The following CA10 variants were observed in gnomAD, a reference collection of about 807,000 sequenced individuals.
CA10 encodes the protein carbonic anhydrase 10 (inactive).
Under a neutral mutation model 44.2 loss-of-function variants are expected in CA10, and 14 were observed. The ratio of observed to expected loss-of-function variants is 0.32; its 90% confidence interval spans 0.21 to 0.50. The LOEUF (loss-of-function observed/expected upper bound fraction) is 0.50. Ranked by LOEUF, CA10 falls within the 20% of genes least tolerant of loss-of-function variation. CA10 has a pLI of 0.99. For missense variants in CA10, 350 were observed against 409.7 expected, an observed-to-expected ratio of 0.85 and a Z score of 1.26; for synonymous variants, 159 against 141.6, an observed-to-expected ratio of 1.12 and a Z score of -0.87.
Position 52,074,237 on chromosome 17 carries a change from AAAC to A in CA10, c.62-1847_62-1845del, listed in dbSNP as rs539921407. 8.6e-3 allele frequency among the ~76,000 whole-genome samples: 1,317 copies of A among 152,312 alleles called. 17 individuals are homozygous for A. The highest frequency in any genetic ancestry group is 0.048 in the Middle Eastern group (14 of 294). ...TTCACGGACAGTACAACCTACTAAA[AAAC>A]AACAACAAGAAAACCAAACCCCAAA... On this transcript the variant is annotated intron_variant, in intron 1 of 8. Coordinates refer to ENST00000451037, the MANE Select transcript of CA10 (RefSeq NM_020178.5).
chr17:51,802,598 G>C (rs2091358), intron 3 of CA10, among the ~76,000 whole-genome samples: 1 of 142,148 alleles, frequency 7.0e-6, no homozygotes, highest in Non-Finnish European at 1.5e-5. Context: ...ACAACCAGAA[G>C]CACTCCCTAC....
chr17:51,725,494 C>A, intron 4 of CA10, among the ~76,000 whole-genome samples: 1 of 152,196 alleles, frequency 6.6e-6, no homozygotes, highest in Middle Eastern at 3.2e-3. Context: ...CCCAGTAACC[C>A]TCTCTGTGGC....
intron 1 of CA10, among the ~76,000 whole-genome samples, chr17:52,123,732 C>T (rs1045202923): frequency 6.6e-6 from 1 of 152,162 alleles, no homozygotes; most frequent in African/African-American, 2.4e-5. Context: ...ACCTGTGTGG[C>T]CTAATATCCT....
At chr17:51,744,625 A>C (rs1337448269) in intron 4 of CA10, among the ~76,000 whole-genome samples, 1 of 152,132 alleles carries the variant, frequency 6.6e-6, no homozygotes, top group Non-Finnish European at 1.5e-5. Context: ...TAAATAAATA[A>C]ATAAATAAAT....
At chr17:52,043,179 G>T (rs1445781000) in intron 2 of CA10, among the ~76,000 whole-genome samples, 1 of 152,004 alleles carries the variant, frequency 6.6e-6, no homozygotes, top group Non-Finnish European at 1.5e-5. Context: ...CGTAGCATGA[G>T]CATTTTAACA....
At chr17:51,954,448 A>C (rs1983593438) in intron 2 of CA10, among the ~76,000 whole-genome samples, 3 of 152,178 alleles carry the variant, frequency 2.0e-5, no homozygotes, top group Admixed American at 2.0e-4. Context: ...AAGACAGTTC[A>C]TCTTTAGACT....
chr17:51,647,478 C>G (rs1184261079), intron 6 of CA10, among the ~76,000 whole-genome samples: 1 of 152,124 alleles, frequency 6.6e-6, no homozygotes, highest in Non-Finnish European at 1.5e-5. Context: ...GCCTCCCCTT[C>G]CTCTCCCTCC....
In CA10 at chr17:51,970,764, C is replaced by A. The variant is rs740062; in HGVS notation, c.137-39632G>T. Among the ~76,000 whole-genome samples the A allele has an allele frequency of 7.2e-4, 110 of 152,142 alleles. 1 individual carries two copies. Among genetic ancestry groups the A allele is most frequent in the Admixed American group, 6.2e-3 (95 of 15,258 alleles). On this transcript the variant is annotated intron_variant, in intron 2 of 8. Coordinates refer to ENST00000451037, the MANE Select transcript of CA10 (RefSeq NM_020178.5). ...TGTTTATTCTGCTTATCACAAATCA[C>A]AGAGAAGTTTCATTTGCTTTCTTAC...
chr17:51,959,270 C>T (rs1455285070), intron 2 of CA10, among the ~76,000 whole-genome samples: 4 of 40,334 alleles, frequency 9.9e-5, no homozygotes, highest in Admixed American at 3.8e-4. Context: ...TTCTCTCTCT[C>T]GCTCTCTCTC....
chr17:51,870,726 C>A (rs1979763939), intron 3 of CA10, among the ~76,000 whole-genome samples: 1 of 152,208 alleles, frequency 6.6e-6, no homozygotes, highest in South Asian at 2.1e-4. Flanking sequence ...GGGACTGAAA[C>A]AATCCTTTGC....
At chr17:52,074,556 G>T (rs1247409278) in intron 1 of CA10, among the ~76,000 whole-genome samples, 1 of 152,078 alleles carries the variant, frequency 6.6e-6, no homozygotes, top group Non-Finnish European at 1.5e-5. Context: ...CATTGGGGAA[G>T]CTGCATTATC....
intron 4 of CA10, among the ~76,000 whole-genome samples, chr17:51,670,578 G>C (rs890175875): frequency 1.3e-5 from 2 of 152,036 alleles, no homozygotes; most frequent in African/African-American, 4.8e-5. Flanking sequence ...TGGCTGAGGG[G>C]TTCAGTGATC....
At chr17:51,728,474 C>T (rs534740035) in intron 4 of CA10, among the ~76,000 whole-genome samples, 3 of 152,288 alleles carry the variant, frequency 2.0e-5, no homozygotes, top group African/African-American at 7.2e-5. Context: ...GATCCTCAGT[C>T]TTTCCTTGCT....
intron 3 of CA10, among the ~76,000 whole-genome samples, chr17:51,800,462 A>G (rs1485296727): frequency 2.0e-5 from 3 of 152,204 alleles, no homozygotes; most frequent in Non-Finnish European, 4.4e-5. Context: ...ACATTAAATT[A>G]TACACCTGAA....
intron 1 of CA10, among the ~76,000 whole-genome samples, chr17:52,090,685 G>C (rs962504292): frequency 1.3e-5 from 2 of 151,968 alleles, no homozygotes; most frequent in Non-Finnish European, 2.9e-5. Flanking sequence ...AGTTAATGTA[G>C]GTTCCTCTTT....
At chr17:51,770,060 T>C (rs1158884194) in intron 3 of CA10, among the ~76,000 whole-genome samples, 1 of 151,930 alleles carries the variant, frequency 6.6e-6, no homozygotes, top group Non-Finnish European at 1.5e-5. Context: ...AAATCTAAGA[T>C]TCTATATCTC....
chr17:52,077,507 C>G (rs979978847), intron 1 of CA10, among the ~76,000 whole-genome samples: 19 of 152,138 alleles, frequency 1.2e-4, no homozygotes, highest in African/African-American at 4.6e-4. Context: ...TGTGCCAGTA[C>G]AATTTTATTT....
At chr17:51,652,130 G>A (rs1913595300) in intron 5 of CA10, among the ~76,000 whole-genome samples, 1 of 152,308 alleles carries the variant, frequency 6.6e-6, no homozygotes, top group Admixed American at 6.5e-5. Context: ...TCTTTCATGA[G>A]TATTAAAGTC....
intron 2 of CA10, among the ~76,000 whole-genome samples, chr17:52,018,270 T>A (rs764421184): frequency 3.4e-4 from 52 of 152,032 alleles, no homozygotes; most frequent in Non-Finnish European, 6.8e-4. Context: ...GACCAAATAA[T>A]GGTAGAGCCA....
Sources: gnomAD v4.1 joint callset for allele counts (sites outside exome capture counted in the v4.1 genomes callset) on GRCh38, gnomAD v4.1.1 for gene constraint, MANE v1.5 for transcripts, NCBI Gene and HGNC (gene_info 2026-07-23, HGNC 2026-07-21) for gene names.